The following BMP2K variants were observed in gnomAD, a reference collection of about 807,000 sequenced individuals.
BMP2K encodes the protein BMP-2-inducible protein kinase.
In BMP2K, 74 loss-of-function variants were observed where a neutral mutation model predicts 116.0. That is an observed-to-expected ratio of 0.64 (90% CI 0.53 to 0.77). The LOEUF is 0.77. Among genes scored for constraint, BMP2K ranks in the 30% least tolerant of loss-of-function variants. The probability of loss-of-function intolerance (pLI) is 0.00; values close to 1 mark genes in which losing one functional copy is unlikely to be tolerated. For synonymous variants in BMP2K, 486 were observed against 502.5 expected, an observed-to-expected ratio of 0.97 and a Z score of 0.44; for missense variants, 1,365 against 1,403.6, an observed-to-expected ratio of 0.97 and a Z score of 0.44.
At chr4:78,887,049 C>T (rs1560546297) in intron 14 of BMP2K, 125 bp from the exon 15 acceptor site, 1 of 641,506 alleles carries the variant, frequency 1.6e-6, no homozygotes, top group South Asian at 2.0e-5. Context: ...AGATTCTGAA[C>T]CTAATGTTTT....
chr4:78,913,508 G>T lies in BMP2K; in HGVS notation c.*1475G>T, dbSNP rs1285981336. ...TCAGATTAACATTTGGAAGTTTCTAGAACAGTTAATGCTATTTACAGAAAG... is the reference window on the plus strand; with the variant it reads ...TCAGATTAACATTTGGAAGTTTCTATAACAGTTAATGCTATTTACAGAAAG... On this transcript the variant is annotated 3_prime_UTR_variant, in exon 16 of 16. Transcript: ENST00000502613. The T allele has an allele frequency of 1.3e-5, 2 of 152,100 alleles. No homozygotes were observed. The highest frequency in any genetic ancestry group is 2.1e-4 in the South Asian group (1 of 4,836). The allele number at this position is 152,100 out of a possible 1,614,324, so 9.4% of individuals were successfully genotyped here. A position where few individuals can be genotyped will look rare whatever the true frequency, so the allele number is the denominator to read the frequency against.
At chr4:78,853,801 A>C (rs181473390) in intron 7 of BMP2K, among the ~76,000 whole-genome samples, 192 of 152,322 alleles carry the variant, frequency 1.3e-3, no homozygotes, top group Non-Finnish European at 2.4e-3. Flanking sequence ...GAATTAAATG[A>C]AAGCTGAAAA....
At chr4:78,817,691 C>G (rs948737010) in intron 1 of BMP2K, among the ~76,000 whole-genome samples, 15 of 152,110 alleles carry the variant, frequency 9.9e-5, no homozygotes, top group African/African-American at 3.6e-4. Context: ...AACTCGATCT[C>G]TAGTCTCTCT....
In BMP2K at chr4:78,779,190, A is replaced by AGCT. The variant is rs375361593; in HGVS notation, c.178+2474_178+2476dup. 3.3e-3 allele frequency among the ~76,000 whole-genome samples: 508 copies of AGCT among 152,340 alleles called. 6 individuals carry two copies. The highest frequency in any genetic ancestry group is 0.011 in the African/African-American group (471 of 41,578). Reference sequence around the variant, plus strand: ...CCTACTATGGTGTTAGATTCCTGAAAGCTGCTGTTCACAACATTTTTGTCA... The same window carrying AGCT: ...CCTACTATGGTGTTAGATTCCTGAAAGCTGCTGCTGTTCACAACATTTTTGTCA... On this transcript the variant is annotated intron_variant, in intron 1 of 15. Transcript: ENST00000502613.
intron 3 of BMP2K, among the ~76,000 whole-genome samples, chr4:78,838,900 T>C (rs1484184952): frequency 6.6e-6 from 1 of 152,242 alleles, no homozygotes; most frequent in African/African-American, 2.4e-5. Flanking sequence ...AGAGAAATTA[T>C]GTACTTTAGG....
At chr4:78,900,595 C>G (rs1202262701) in intron 15 of BMP2K, among the ~76,000 whole-genome samples, 1 of 152,196 alleles carries the variant, frequency 6.6e-6, no homozygotes, top group Non-Finnish European at 1.5e-5. Context: ...CAGTCTGGTT[C>G]AGTCAGCTGG....
chr4:78,830,807 C>T (rs1730171787), intron 2 of BMP2K, among the ~76,000 whole-genome samples: 1 of 152,176 alleles, frequency 6.6e-6, no homozygotes, highest in South Asian at 2.1e-4. Context: ...GGGCTTTGCT[C>T]TGGATTAAAG....
intron 2 of BMP2K, among the ~76,000 whole-genome samples, chr4:78,828,983 A>G (rs1305514241): frequency 6.6e-6 from 1 of 152,142 alleles, no homozygotes; most frequent in Non-Finnish European, 1.5e-5. Flanking sequence ...GAAAAATCAG[A>G]CCTTGGCGAT....
Position 78,910,606 on chromosome 4 carries a change from G to A in BMP2K, c.2063-4G>A, listed in dbSNP as rs1471118537. 6.6e-7 allele frequency: 1 copy of A among 1,518,838 alleles called. No homozygotes were observed. The highest frequency in any genetic ancestry group is 2.3e-5 in the Admixed American group (1 of 42,760). The allele number at this position is 1,518,838 out of a possible 1,614,324, so 94.1% of individuals were successfully genotyped here. A position where few individuals can be genotyped will look rare whatever the true frequency, so the allele number is the denominator to read the frequency against. On this transcript the variant is annotated splice_region_variant and splice_polypyrimidine_tract_variant and intron_variant, in intron 15 of 15. Coordinates refer to ENST00000502613, the MANE Select transcript of BMP2K (RefSeq NM_198892.2). ...GCTGTAATAATATTTATTTGAACTT[G>A]CAGGTTCTCCTGAAAAGAAAGCTGA...
At chr4:78,824,192 A>C (rs1729763662) in intron 1 of BMP2K, among the ~76,000 whole-genome samples, 2 of 152,204 alleles carry the variant, frequency 1.3e-5, no homozygotes, top group Non-Finnish European at 2.9e-5. Flanking sequence ...GAAGTTGTGC[A>C]GTTTCTTATA....
intron 6 of BMP2K, 30 bp from the exon 7 acceptor site, chr4:78,850,894 T>C: frequency 6.2e-7 from 1 of 1,605,990 alleles, no homozygotes; most frequent in Non-Finnish European, 8.5e-7. Context: ...ACTTGAGCTC[T>C]AATGATATTT....
chr4:78,854,634 C>T (rs960951541), intron 7 of BMP2K, among the ~76,000 whole-genome samples: 11 of 152,052 alleles, frequency 7.2e-5, no homozygotes, highest in Admixed American at 3.9e-4. Flanking sequence ...CTGGGCTCAG[C>T]TGATCCTCCT....
At chr4:78,867,363 G>A (rs1189230595) in intron 10 of BMP2K, among the ~76,000 whole-genome samples, 1 of 152,050 alleles carries the variant, frequency 6.6e-6, no homozygotes, top group Non-Finnish European at 1.5e-5. Context: ...GTCTTATTTT[G>A]ATCCATCAAA....
At position 78,912,336 on chromosome 4, in the gene BMP2K, G is replaced by A; in HGVS notation, c.*303G>A. On this transcript the variant is annotated 3_prime_UTR_variant, in exon 16 of 16. Transcript: ENST00000502613. Reference sequence around the variant, plus strand: ...GAAAGCACATGGCACCTTTCTAGGTGTGTAGCCACTGAGAAGGGACAGTGA... The same window carrying A: ...GAAAGCACATGGCACCTTTCTAGGTATGTAGCCACTGAGAAGGGACAGTGA... The A allele has an allele frequency of 3.5e-6, 1 of 286,164 alleles. No individual in the cohort carries two copies. Among genetic ancestry groups the A allele is most frequent in the East Asian group, 6.3e-5 (1 of 15,798 alleles). 17.7% of individuals were successfully genotyped at this position (286,164 alleles called of 1,614,324 possible).
At chr4:78,816,239 A>G (rs1158622507) in intron 1 of BMP2K, among the ~76,000 whole-genome samples, 1 of 152,028 alleles carries the variant, frequency 6.6e-6, no homozygotes, top group Non-Finnish European at 1.5e-5. Context: ...GATGCTGTTT[A>G]CTTTATACTG....
At position 78,916,210 on chromosome 4, in the gene BMP2K, G is replaced by A. The variant is rs1432804003; in HGVS notation, c.*4177G>A. ...CACTAACTGATTTTATTACTTTATT[G>A]CCTTTACACTGCTTATTCTTTTTGA... On this transcript the variant is annotated 3_prime_UTR_variant, in exon 16 of 16. Transcript: ENST00000502613. 6.6e-6 allele frequency: 1 copy of A among 151,216 alleles called. No homozygotes were observed. Among genetic ancestry groups the A allele is most frequent in the African/African-American group, 2.4e-5 (1 of 41,182 alleles). The allele number at this position is 151,216 out of a possible 1,614,324, so 9.4% of individuals were successfully genotyped here. A position where few individuals can be genotyped will look rare whatever the true frequency, so the allele number is the denominator to read the frequency against.
At chr4:78,808,297 G>A (rs569431669) in intron 1 of BMP2K, among the ~76,000 whole-genome samples, 92 of 138,848 alleles carry the variant, frequency 6.6e-4, no homozygotes, top group African/African-American at 2.3e-3. Context: ...ACTGAGTCTC[G>A]CTGTGTTGCC....
At chr4:78,795,001 A>C (rs1728183393) in intron 1 of BMP2K, among the ~76,000 whole-genome samples, 1 of 152,242 alleles carries the variant, frequency 6.6e-6, no homozygotes, top group Non-Finnish European at 1.5e-5. Context: ...CTGTGTATGC[A>C]GTAGATTCTT....
chr4:78,891,922 C>A (rs1298624150), intron 15 of BMP2K, among the ~76,000 whole-genome samples: 1 of 152,146 alleles, frequency 6.6e-6, no homozygotes, highest in Non-Finnish European at 1.5e-5. Flanking sequence ...AAGGATGAGA[C>A]TAGTGGGAAA....
Sources: allele counts gnomAD v4.1 joint callset (sites outside exome capture counted in the v4.1 genomes callset), GRCh38; gene constraint gnomAD v4.1.1; transcripts MANE v1.5; gene names NCBI Gene and HGNC (gene_info 2026-07-23, HGNC 2026-07-21).